ARHGEF3: variants seen among roughly 807,000 people sequenced by gnomAD.
ARHGEF3 encodes the protein 59.8 kDA protein.
ARHGEF3 carries 28 observed loss-of-function variants against 63.2 expected under a neutral mutation model. The observed-to-expected ratio is 0.44, with a 90% CI of 0.33 to 0.61. ARHGEF3 has a LOEUF of 0.61. Among genes scored for constraint, ARHGEF3 ranks in the 20% least tolerant of loss-of-function variants. ARHGEF3 has a pLI of 0.03. For synonymous variants in ARHGEF3, 266 were observed against 254.2 expected (o/e 1.05, Z -0.44); for missense variants, 533 against 659.3 (o/e 0.81, Z 2.10).
rs1489880842 is a variant in ARHGEF3 at position 56,775,091 on chromosome 3, T to C, written c.97-1275A>G. The C allele has an allele frequency of 2.3e-5, 35 of 1,551,078 alleles. No homozygotes were observed. In the East Asian group the frequency reaches 8.1e-4, roughly 36 times the overall value. Reference sequence around the variant, plus strand: ...TGATGGGCAAAGCCAAAGTAGCCAATTGTGGTGGCAAACCTCAATCATTTC... The same window carrying C: ...TGATGGGCAAAGCCAAAGTAGCCAACTGTGGTGGCAAACCTCAATCATTTC... On this transcript the variant is annotated intron_variant, in intron 1 of 9. Coordinates refer to ENST00000296315, the MANE Select transcript of ARHGEF3 (RefSeq NM_019555.3).
chr3:56,965,645 C>CT (rs759458048), intron 2 of ARHGEF3, among the ~76,000 whole-genome samples: 2,302 of 133,264 alleles, frequency 0.017, 35 homozygotes, highest in African/African-American at 0.038. Flanking sequence ...AAACTACATT[C>CT]TTTTTTTTTT....
chr3:56,858,254 A>G (rs2108176070), intron 4 of ARHGEF3, among the ~76,000 whole-genome samples: 1 of 152,014 alleles, frequency 6.6e-6, no homozygotes, highest in Non-Finnish European at 1.5e-5. Context: ...AAAAAAAAAA[A>G]AAAAAAAAAA....
Position 56,919,649 on chromosome 3 carries a change from G to C in ARHGEF3, c.130-37295C>G, listed in dbSNP as rs2042074584. On this transcript the variant is annotated intron_variant, in intron 3 of 12. Coordinates refer to the ARHGEF3 transcript ENST00000338458. The stretch of plus-strand genomic sequence containing the variant: ...TAACTCATGATGAAAGTGCACCTGT[G>C]TGTGGATATTAACATATCATACAGC... Among the ~76,000 whole-genome samples, 2 of 152,178 alleles carry C rather than the reference G, an allele frequency of 1.3e-5. 1 individual carries two copies. The highest frequency in any genetic ancestry group is 4.1e-4 in the South Asian group (2 of 4,834).
chr3:56,971,715 A>G (rs1466290784), intron 2 of ARHGEF3, among the ~76,000 whole-genome samples: 2 of 152,016 alleles, frequency 1.3e-5, no homozygotes, highest in African/African-American at 2.4e-5. Context: ...ATTAGTGGGC[A>G]TGGTGGCGGG....
chr3:56,808,998 T>A (rs574141989), intron 4 of ARHGEF3, among the ~76,000 whole-genome samples: 2 of 152,290 alleles, frequency 1.3e-5, no homozygotes, highest in South Asian at 2.1e-4. Context: ...GCCAAGGGAA[T>A]CTGTGGGTAT....
chr3:56,782,778 C>T (rs950884330), intron 1 of ARHGEF3, among the ~76,000 whole-genome samples: 3 of 152,228 alleles, frequency 2.0e-5, no homozygotes, highest in East Asian at 1.9e-4. Context: ...GACAGGCTTT[C>T]GGGCTGCTGG....
At chr3:56,802,741 T>C (rs907319647), upstream of ARHGEF3, among the ~76,000 whole-genome samples, 3 of 152,164 alleles carry the variant, frequency 2.0e-5, no homozygotes, top group Admixed American at 6.5e-5. Flanking sequence ...TGGATCCTTT[T>C]TGGAGAAACA....
intron 2 of ARHGEF3, among the ~76,000 whole-genome samples, chr3:56,998,596 C>G (rs1702078481): frequency 6.6e-6 from 1 of 152,140 alleles, no homozygotes; most frequent in Admixed American, 6.5e-5. Flanking sequence ...CAGCCCGAGC[C>G]CTCCTGCCCA....
intron 1 of ARHGEF3, among the ~76,000 whole-genome samples, chr3:56,783,781 T>TAGTCAACATTATAAGGGTA (rs1462493093): frequency 6.6e-6 from 1 of 152,230 alleles, no homozygotes; most frequent in Non-Finnish European, 1.5e-5. Context: ...TTACTCGTTT[T>TAGTCAACATTATAAGGGTA]AGTCAACATT....
At chr3:56,945,532 T>C (rs1033545461) in intron 3 of ARHGEF3, among the ~76,000 whole-genome samples, 2 of 151,790 alleles carry the variant, frequency 1.3e-5, no homozygotes, top group Non-Finnish European at 2.9e-5. Flanking sequence ...AGCACAGCAG[T>C]CTGAGATCAA....
chr3:56,727,485 T>G lies in ARHGEF3; in HGVS notation c.*1785A>C, dbSNP rs148791751. 2.6e-5 allele frequency: 4 copies of G among 152,776 alleles called. No homozygotes were observed. In the East Asian group the frequency reaches 7.7e-4, roughly 29 times the overall value. 9.5% of individuals were successfully genotyped at this position (152,776 alleles called of 1,614,324 possible). A position where few individuals can be genotyped will look rare whatever the true frequency, so the allele number is the denominator to read the frequency against. ...GTTTAAGGCCATTATACAAAAACAT[T>G]CATTTCATCAAAACATTCATTGACC... On this transcript the variant is annotated 3_prime_UTR_variant, in exon 10 of 10. Transcript: ENST00000296315.
At chr3:56,930,127 G>A (rs1279030468) in intron 3 of ARHGEF3, among the ~76,000 whole-genome samples, 1 of 152,000 alleles carries the variant, frequency 6.6e-6, no homozygotes, top group Admixed American at 6.6e-5. Flanking sequence ...AATCTGACAG[G>A]TACCTTAATA....
At chr3:56,744,574 T>C (rs1022856376) in intron 7 of ARHGEF3, among the ~76,000 whole-genome samples, 5 of 152,036 alleles carry the variant, frequency 3.3e-5, no homozygotes, top group African/African-American at 7.2e-5. Context: ...AATTTTTTTT[T>C]TTTGTATTTT....
upstream of ARHGEF3, among the ~76,000 whole-genome samples, chr3:56,805,342 C>T (rs1023360964): frequency 6.6e-6 from 1 of 152,148 alleles, no homozygotes; most frequent in Non-Finnish European, 1.5e-5. Context: ...TCAAGCAATC[C>T]TCCCGCCTCA....
chr3:56,946,989 A>G (rs34400527), intron 3 of ARHGEF3, among the ~76,000 whole-genome samples: 15,693 of 152,262 alleles, frequency 0.1, 1,113 homozygotes, highest in Non-Finnish European at 0.15. Flanking sequence ...TCTTAAAGAA[A>G]AGAATTTCCA....
chr3:57,042,649 TAA>T (rs1704235393), intron 1 of ARHGEF3, among the ~76,000 whole-genome samples: 1 of 70,698 alleles, frequency 1.4e-5, no homozygotes, highest in African/African-American at 5.0e-5. Flanking sequence ...TGTATGTACA[TAA>T]ATATATATAT....
intron 4 of ARHGEF3, among the ~76,000 whole-genome samples, chr3:56,851,111 A>G (rs1019615855): frequency 1.3e-5 from 2 of 152,110 alleles, no homozygotes; most frequent in Admixed American, 6.5e-5. Flanking sequence ...AAGGGTGGGT[A>G]CATGTGTCCC....
intron 4 of ARHGEF3, among the ~76,000 whole-genome samples, chr3:56,808,929 G>A (rs2037966278): frequency 1.3e-5 from 2 of 152,200 alleles, no homozygotes; most frequent in South Asian, 4.1e-4. Flanking sequence ...AATGCCAATA[G>A]TGCCACTATT....
chr3:56,870,388 T>C (rs2040398319), intron 4 of ARHGEF3, among the ~76,000 whole-genome samples: 1 of 152,142 alleles, frequency 6.6e-6, no homozygotes, highest in South Asian at 2.1e-4. Context: ...ATATACTGTA[T>C]CCTTCCAACT....
Sources: gnomAD v4.1 joint callset for allele counts (sites outside exome capture counted in the v4.1 genomes callset) on GRCh38, gnomAD v4.1.1 for gene constraint, MANE v1.5 for transcripts, NCBI Gene and HGNC (gene_info 2026-07-23, HGNC 2026-07-21) for gene names.